HEATR1: variants seen among roughly 807,000 people sequenced by gnomAD.
HEATR1 encodes HEAT repeat-containing protein 1.
In HEATR1, 77 loss-of-function variants were observed where a neutral mutation model predicts 248.2. That is an observed-to-expected ratio of 0.31 (90% CI 0.26 to 0.37). The LOEUF (loss-of-function observed/expected upper bound fraction) is 0.37, where lower values mean the gene tolerates loss of function less well. Ranked by LOEUF, HEATR1 falls within the 10% of genes least tolerant of loss-of-function variation. HEATR1 has a pLI of 1.00. For missense variants in HEATR1, 2,420 were observed against 2,504.9 expected (o/e 0.97, Z 0.72); for synonymous variants, 897 against 923.1 (o/e 0.97, Z 0.51).
In HEATR1 at chr1:236,603,271, G is replaced by A; in HGVS notation, c.248C>T (p.Thr83Ile). The change falls in exon 3 of 45, where the codon ACC becomes ATC. Residue 83 changes from threonine (T) to isoleucine (I), a missense_variant. Physicochemically the swap from Thr to Ile is moderately conservative, Grantham distance 89 (BLOSUM62 -1). Coordinates refer to ENST00000366582, the MANE Select transcript of HEATR1 (RefSeq NM_018072.6). ...LAKTLERSVQTKAVNKQLDEN... is the reference protein window; with the variant it reads ...LAKTLERSVQIKAVNKQLDEN... ...ATCCAACTGTTTGTTTACTGCTTTG[G>A]TCTGAACACTTCGCTCCAAGGTTTT... 6.2e-7 allele frequency: 1 copy of A among 1,614,112 alleles called. No individual in the cohort carries two copies. The highest frequency in any genetic ancestry group is 1.6e-4 in the Middle Eastern group (1 of 6,062).
At chr1:236,597,009 A>C (rs1378157803) in intron 5 of HEATR1, 33 bp from the exon 6 acceptor site, 9 of 1,602,590 alleles carry the variant, frequency 5.6e-6, no homozygotes, top group Non-Finnish European at 7.7e-6. Context: ...AACACATTTA[A>C]CAGTGAAAGG....
intron 32 of HEATR1, among the ~76,000 whole-genome samples, 156 bp from the exon 33 acceptor site, chr1:236,561,427 T>C (rs890751044): frequency 6.6e-5 from 10 of 152,248 alleles, no homozygotes; most frequent in African/African-American, 2.4e-4. Flanking sequence ...ATCTTCATTA[T>C]ACTGTAGTAA....
chr1:236,551,555 T>C (rs1662745729), intron 44 of HEATR1: 1 of 158,542 alleles, frequency 6.3e-6, no homozygotes, highest in Non-Finnish European at 1.4e-5. Flanking sequence ...ATAATCCAAG[T>C]AAAGCACCTA....
Position 236,596,051 on chromosome 1 carries a change from A to AT in HEATR1, c.745-8dup, listed in dbSNP as rs1234017810. 6.4e-7 allele frequency: 1 copy of AT among 1,570,296 alleles called. No homozygotes were observed. The highest frequency in any genetic ancestry group is 1.4e-5 in the African/African-American group (1 of 73,898). On this transcript the variant is annotated splice_polypyrimidine_tract_variant and splice_region_variant and intron_variant, in intron 6 of 44. Coordinates refer to ENST00000366582, the MANE Select transcript of HEATR1 (RefSeq NM_018072.6). ...GTAAAGATGATTTCAATCCCTAAAT[A>AT]TTTTTTAAATATAAGGAAAAATGAT... is the stretch of plus-strand genomic sequence containing the variant.
rs1289073109 is a variant in HEATR1, at chr1:236,583,150, A to G, written c.2288T>C (p.Ile763Thr). ...WHIELMLDRG[I>T]PVELWAHYVE... Reference sequence around the variant, plus strand: ...ATAATGTGCCCACAGCTCCACTGGGATCCCTCTGTCTAACATCAGTTCAAT... The same window carrying G: ...ATAATGTGCCCACAGCTCCACTGGGGTCCCTCTGTCTAACATCAGTTCAAT... Residue 763 changes from isoleucine (I) to threonine (T), a missense_variant, in exon 18 of 45, where the codon ATC (isoleucine) becomes ACC (threonine). Physicochemically the swap from Ile to Thr is moderately conservative, Grantham distance 89. Transcript: ENST00000366582. 1 of 1,613,502 alleles carries G rather than the reference A, an allele frequency of 6.2e-7. No homozygotes were observed. Among genetic ancestry groups the G allele is most frequent in the East Asian group, 2.2e-5 (1 of 44,878 alleles).
intron 28 of HEATR1, among the ~76,000 whole-genome samples, chr1:236,570,595 G>A (rs1283197897): frequency 6.6e-6 from 1 of 152,040 alleles, no homozygotes; most frequent in Non-Finnish European, 1.5e-5. Flanking sequence ...CAGAAACTTC[G>A]TGAATATACT....
intron 17 of HEATR1, among the ~76,000 whole-genome samples, chr1:236,584,500 A>G (rs1320602821): frequency 6.6e-6 from 1 of 152,162 alleles, no homozygotes; most frequent in African/African-American, 2.4e-5. Flanking sequence ...AAATCCTTAC[A>G]TATAGCAGAT....
At position 236,583,135 on chromosome 1, in the gene HEATR1, C is replaced by T; in HGVS notation, c.2303G>A (p.Trp768Ter). ...MLDRGIPVEL[W>*]AHYVEELNST... ...GTTGAGCTCTTCTACATAATGTGCC[C>T]ACAGCTCCACTGGGATCCCTCTGTC... The change falls in exon 18 of 45, where the codon TGG becomes TAG. Residue 768 changes from tryptophan to a stop codon, truncating the protein, a stop_gained. Transcript: ENST00000366582. LOFTEE classifies it high-confidence loss of function. The T allele has an allele frequency of 6.2e-7, 1 of 1,614,032 alleles. No individual in the cohort carries two copies. The highest frequency in any genetic ancestry group is 8.5e-7 in the Non-Finnish European group (1 of 1,179,924).
Position 236,585,918 on chromosome 1 carries a change from T to C in HEATR1, c.1951A>G (p.Thr651Ala), listed in dbSNP as rs755711214. 3.1e-6 allele frequency: 5 copies of C among 1,613,374 alleles called. No individual in the cohort carries two copies. The highest frequency in any genetic ancestry group is 4.2e-6 in the Non-Finnish European group (5 of 1,179,614). Reference protein sequence around the residue: ...EEALENVIKSTKPGKLIGVAN... With the variant: ...EEALENVIKSAKPGKLIGVAN... ...ACACCGATTAGTTTTCCTGGCTTTG[T>C]GCTTTTAATTACATTTTCAAGAGCT... Residue 651 changes from threonine to alanine, a missense_variant, in exon 16 of 45, where the codon ACA becomes GCA. Physicochemically the swap from Thr to Ala is moderately conservative, Grantham distance 58 (BLOSUM62 0). Transcript: ENST00000366582.
At chr1:236,596,745 T>C (rs1664186765) in intron 6 of HEATR1, 91 bp downstream of exon 6, 9 of 1,286,012 alleles carry the variant, frequency 7.0e-6, no homozygotes, top group East Asian at 2.4e-5. Context: ...AAACTGTCAA[T>C]TTAAAAACAC....
intron 33 of HEATR1, 30 bp downstream of exon 33, chr1:236,561,195 T>G (rs748440407): frequency 1.3e-6 from 2 of 1,517,078 alleles, no homozygotes; most frequent in African/African-American, 1.4e-5. Flanking sequence ...CATTTCCAAA[T>G]AAAAAGTAGA....
At chr1:236,604,212 C>T in intron 1 of HEATR1, 85 bp from the exon 2 acceptor site, 1 of 1,079,954 alleles carries the variant, frequency 9.3e-7, no homozygotes, top group Non-Finnish European at 1.3e-6. Flanking sequence ...CACTCAGCAC[C>T]GTCATGGACA....
chr1:236,549,017 G>A lies in HEATR1; in HGVS notation c.*1885C>T. The A allele has an allele frequency of 2.5e-6, 1 of 398,406 alleles. No homozygotes were observed. Among genetic ancestry groups the A allele is most frequent in the Non-Finnish European group, 4.4e-6 (1 of 226,046 alleles). 24.7% of individuals were successfully genotyped at this position (398,406 alleles called of 1,614,324 possible). A position where few individuals can be genotyped will look rare whatever the true frequency, so the allele number is the denominator to read the frequency against. ...GAGGCAAGATGCATTCAATTTGAAA[G>A]ATATTTATGGGCAACAAAGTAAGGT... On this transcript the variant is annotated 3_prime_UTR_variant, in exon 45 of 45. Coordinates refer to ENST00000366582, the MANE Select transcript of HEATR1 (RefSeq NM_018072.6).
At chr1:236,588,978 TA>T (rs1181775494) in intron 12 of HEATR1, among the ~76,000 whole-genome samples, 3 of 152,186 alleles carry the variant, frequency 2.0e-5, no homozygotes, top group African/African-American at 7.2e-5. Context: ...TAAGCAGCCA[TA>T]TATCTGAACC....
intron 24 of HEATR1, 47 bp from the exon 25 acceptor site, chr1:236,572,875 A>T: frequency 1.3e-6 from 2 of 1,497,468 alleles, no homozygotes; most frequent in Non-Finnish European, 1.9e-6. Flanking sequence ...CCATTGGGAT[A>T]AAATTAGAGC....
In HEATR1 at chr1:236,550,764, A is replaced by C. The variant is rs6989; in HGVS notation, c.*138T>G. On this transcript the variant is annotated 3_prime_UTR_variant, in exon 45 of 45. Transcript: ENST00000366582. ...CACAAGCCAGGTGGGGATTTTGTAA[A>C]GAAGTGATAAAACATTTGTAAGTAA... 0.64 allele frequency: 401,210 copies of C among 631,782 alleles called. 130,576 individuals carry two copies. Among genetic ancestry groups the C allele is most frequent in the Non-Finnish European group, 0.69 (257,018 of 373,406 alleles). The allele number at this position is 631,782 out of a possible 1,614,324, so 39.1% of individuals were successfully genotyped here. A position where few individuals can be genotyped will look rare whatever the true frequency, so the allele number is the denominator to read the frequency against.
In HEATR1 at chr1:236,571,441, C is replaced by T; in HGVS notation, c.3858G>A (p.Glu1286=). Residue 1286 remains glutamate, a synonymous_variant, in exon 28 of 45, where the codon GAG becomes GAA. Coordinates refer to ENST00000366582, the MANE Select transcript of HEATR1 (RefSeq NM_018072.6). ...DILDEEKFNV[E]LIVQCIRLSE... ...AAAGGCGGATGCACTGAACTATCAA[C>T]TCCACGTTGAACTTCTCCTCATCTA... The T allele has an allele frequency of 6.2e-7, 1 of 1,613,896 alleles. No individual in the cohort carries two copies.
rs767731232 is a variant in HEATR1, at chr1:236,574,687, T to G, written c.3301A>C (p.Thr1101Pro). The change falls in exon 23 of 45, where the codon ACC (threonine) becomes CCC (proline). Residue 1101 changes from threonine to proline, a missense_variant. Coordinates refer to ENST00000366582, the MANE Select transcript of HEATR1 (RefSeq NM_018072.6). Reference protein sequence around the residue: ...TTKELYAGMPTIQITALEKIT... With the variant: ...TTKELYAGMPPIQITALEKIT... ...TTTTCAAGGGCTGTGATCTGAATGG[T>G]TGGCATTCCCGCGTAAAGTTCCTTT... 80 of 1,613,906 alleles carry G rather than the reference T, an allele frequency of 5.0e-5. No individual in the cohort carries two copies. Among genetic ancestry groups the G allele is most frequent in the Non-Finnish European group, 6.7e-5 (79 of 1,179,846 alleles).
chr1:236,576,188 G>T, intron 22 of HEATR1, 31 bp downstream of exon 22: 2 of 1,532,610 alleles, frequency 1.3e-6, no homozygotes, highest in Non-Finnish European at 8.8e-7. Flanking sequence ...TAACATCACA[G>T]GAATGTACAA....
Sources: allele counts gnomAD v4.1 joint callset (sites outside exome capture counted in the v4.1 genomes callset), GRCh38; gene constraint gnomAD v4.1.1; transcripts MANE v1.5; gene names NCBI Gene and HGNC (gene_info 2026-07-23, HGNC 2026-07-21).